Variants in SOX13 observed in about 807,000 individuals in gnomAD.
The protein encoded by SOX13 is SRY-box transcription factor 13.
A neutral mutation model predicts 71.8 loss-of-function variants in SOX13; 28 were observed. The ratio of observed to expected loss-of-function variants is 0.39; its 90% CI spans 0.29 to 0.53. The LOEUF (loss-of-function observed/expected upper bound fraction) is 0.53, where lower values mean the gene tolerates loss of function less well. Ranked by LOEUF, SOX13 falls within the 20% of genes least tolerant of loss-of-function variation. SOX13 has a pLI of 0.70. For synonymous variants in SOX13, 309 were observed against 317.8 expected, an observed-to-expected ratio of 0.97 and a Z score of 0.29; for missense variants, 627 against 810.3, an observed-to-expected ratio of 0.77 and a Z score of 2.75.
chr1:204,100,880 G>A (rs1024731129), intron 1 of SOX13, among the ~76,000 whole-genome samples: 4 of 152,188 alleles, frequency 2.6e-5, no homozygotes, highest in African/African-American at 7.2e-5. Context: ...AGCGGGCTGT[G>A]CCAACGGGAG....
At chr1:204,079,157 G>A (rs535640809) in intron 1 of SOX13, among the ~76,000 whole-genome samples, 31 of 152,100 alleles carry the variant, frequency 2.0e-4, no homozygotes, top group African/African-American at 6.7e-4. Flanking sequence ...AATTAGCCGG[G>A]CGTGGAGGCG....
intron 1 of SOX13, among the ~76,000 whole-genome samples, chr1:204,077,978 A>G (rs1033974587): frequency 6.6e-6 from 1 of 151,868 alleles, no homozygotes; most frequent in Non-Finnish European, 1.5e-5. Flanking sequence ...CACCTGGCTA[A>G]TTTTTTTGTA....
chr1:204,106,482 G>A (rs1196613076), intron 1 of SOX13, among the ~76,000 whole-genome samples: 1 of 151,806 alleles, frequency 6.6e-6, no homozygotes, highest in Admixed American at 6.6e-5. Flanking sequence ...AGCAGAAACA[G>A]GTATATTTTT....
intron 1 of SOX13, among the ~76,000 whole-genome samples, chr1:204,109,013 G>T (rs147098234): frequency 6.6e-6 from 1 of 152,080 alleles, no homozygotes; most frequent in Non-Finnish European, 1.5e-5. Context: ...CCCACTTCTC[G>T]CCCCCCTGCT....
chr1:204,104,424 G>T (rs1221758980), intron 1 of SOX13, among the ~76,000 whole-genome samples: 1 of 152,264 alleles, frequency 6.6e-6, no homozygotes, highest in East Asian at 1.9e-4. Context: ...ATAGGATCGG[G>T]TGTAGCCAGG....
chr1:204,082,859 C>T (rs766115771), intron 1 of SOX13, among the ~76,000 whole-genome samples: 2 of 152,176 alleles, frequency 1.3e-5, no homozygotes, highest in Non-Finnish European at 2.9e-5. Flanking sequence ...TGACTGCTCT[C>T]GGCCAGAGAA....
At position 204,125,727 on chromosome 1, in the gene SOX13, G is replaced by T. The variant is rs543893824; in HGVS notation, c.1593-131G>T. On this transcript the variant is annotated intron_variant, in intron 13 of 13. Transcript: ENST00000367204. ...TTTGGCCATCAGAAAGCAGGCTGGG[G>T]GCAGGGTATATAAGTCACAGCCAAG... 21 of 1,028,416 alleles carry T rather than the reference G, an allele frequency of 2.0e-5. 1 individual carries two copies. Among genetic ancestry groups the T allele is most frequent in the African/African-American group, 1.4e-4 (9 of 62,768 alleles). 63.7% of individuals were successfully genotyped at this position (1,028,416 alleles called of 1,614,324 possible). A position where few individuals can be genotyped will look rare whatever the true frequency, so the allele number is the denominator to read the frequency against.
intron 1 of SOX13, among the ~76,000 whole-genome samples, chr1:204,100,093 T>C (rs1656330939): frequency 6.6e-6 from 1 of 152,176 alleles, no homozygotes; most frequent in South Asian, 2.1e-4. Context: ...TGAGCTGTGA[T>C]TGTGCCACTG....
At chr1:204,075,555 TGTC>T (rs1323782346) in intron 1 of SOX13, among the ~76,000 whole-genome samples, 1 of 152,220 alleles carries the variant, frequency 6.6e-6, no homozygotes, top group East Asian at 1.9e-4. Context: ...GAAACTGGCA[TGTC>T]GTGATCGTTT....
In SOX13 at chr1:204,122,970, T is replaced by TC. The variant is rs759477072; in HGVS notation, c.1134+12dup. 6.4e-7 allele frequency: 1 copy of TC among 1,561,708 alleles called. No individual in the cohort carries two copies. Among genetic ancestry groups the TC allele is most frequent in the Admixed American group, 1.8e-5 (1 of 56,956 alleles). ...CAACACCCCCTTCCGTAAGGTATGGTCCCCCACTCCCTTGAGCCTAGGGGC... is the reference window on the plus strand; with the variant it reads ...CAACACCCCCTTCCGTAAGGTATGGTCCCCCCACTCCCTTGAGCCTAGGGGC... On this transcript the variant is annotated splice_region_variant and intron_variant, in intron 10 of 13. Transcript: ENST00000367204.
In SOX13 at chr1:204,122,356, C is replaced by A; in HGVS notation, c.981C>A (p.Gly327=). The change falls in exon 9 of 14, where the codon GGC becomes GGA. Residue 327 remains glycine (G), a synonymous_variant. Coordinates refer to ENST00000367204, the MANE Select transcript of SOX13 (RefSeq NM_005686.3). ...SCVPRPPSHG[G]PTRDLQSSPP... ...TGCCCCGCCCCCCCAGCCATGGAGG[C>A]CCCACGCGGGACCTGCAGTCCAGCC... The A allele has an allele frequency of 1.3e-6, 2 of 1,562,504 alleles. No homozygotes were observed. Among genetic ancestry groups the A allele is most frequent in the Non-Finnish European group, 1.7e-6 (2 of 1,152,328 alleles).
intron 1 of SOX13, among the ~76,000 whole-genome samples, chr1:204,089,716 C>T (rs539880085): frequency 3.3e-5 from 5 of 152,310 alleles, no homozygotes; most frequent in South Asian, 4.1e-4. Flanking sequence ...CAGGGGGTCC[C>T]GGAAGAGAGG....
intron 1 of SOX13, among the ~76,000 whole-genome samples, chr1:204,082,366 A>T (rs1558209694): frequency 6.6e-6 from 1 of 152,056 alleles, no homozygotes; most frequent in Admixed American, 6.5e-5. Flanking sequence ...GGAGACAGTG[A>T]GGACATTAGA....
chr1:204,077,911 A>T (rs1422759940), intron 1 of SOX13, among the ~76,000 whole-genome samples: 2 of 152,124 alleles, frequency 1.3e-5, no homozygotes, highest in Middle Eastern at 3.2e-3. Context: ...TCCTGAGTTC[A>T]AGCAATTCTC....
Position 204,123,099 on chromosome 1 carries a change from C to T in SOX13, c.1135-13C>T, listed in dbSNP as rs762433463. On this transcript the variant is annotated splice_polypyrimidine_tract_variant and intron_variant, in intron 10 of 13. Transcript: ENST00000367204. The surrounding 1 kb of genome is among the most constrained non-coding windows in gnomAD (Gnocchi z 5.0). ...CAGAGGAGGCTGATGTCAGGTTGCC[C>T]CTGTCAACCTAGGACCTCATCAGCC... 2 of 1,604,344 alleles carry T rather than the reference C, an allele frequency of 1.2e-6. No homozygotes were observed. Among genetic ancestry groups the T allele is most frequent in the Non-Finnish European group, 8.5e-7 (1 of 1,171,264 alleles).
intron 4 of SOX13, 105 bp downstream of exon 4, chr1:204,114,710 C>T: frequency 1.2e-6 from 1 of 844,752 alleles, no homozygotes; most frequent in Non-Finnish European, 2.0e-6. Context: ...ACATACCTAT[C>T]CTGTGCCATC....
At chr1:204,119,694 T>C (rs1045447448) in intron 7 of SOX13, 1 of 152,150 alleles carries the variant, frequency 6.6e-6, no homozygotes, top group Admixed American at 6.5e-5. Flanking sequence ...AGTTCAAAAG[T>C]TTCAAGTCCA....
intron 1 of SOX13, among the ~76,000 whole-genome samples, chr1:204,110,466 A>T (rs1345646399): frequency 2.0e-5 from 3 of 151,850 alleles, no homozygotes; most frequent in Non-Finnish European, 1.5e-5. Flanking sequence ...GTGCCTCTAG[A>T]TTACTTATAA....
rs1409881643 is a variant in SOX13 at position 204,104,855 on chromosome 1, GA to G, written c.-1-8058del. On this transcript the variant is annotated intron_variant, in intron 1 of 13. Coordinates refer to ENST00000367204, the MANE Select transcript of SOX13 (RefSeq NM_005686.3). ...TCTAGATATTTTTTGTAGGGTGGGG[GA>G]AGGCTGTCGTTGTGGAGGGAGGAAG... Among the ~76,000 whole-genome samples, 325 of 152,350 alleles carry G rather than the reference GA, an allele frequency of 2.1e-3. 1 individual carries two copies. Among genetic ancestry groups the G allele is most frequent in the African/African-American group, 7.6e-3 (315 of 41,578 alleles).
Sources: allele counts gnomAD v4.1 joint callset (sites outside exome capture counted in the v4.1 genomes callset), GRCh38; gene constraint gnomAD v4.1.1; non-coding constraint Gnocchi (gnomAD v3.1); transcripts MANE v1.5; gene names NCBI Gene and HGNC (gene_info 2026-07-23, HGNC 2026-07-21).